Variants in WDR93 observed in about 807,000 individuals in gnomAD.
The protein encoded by WDR93 is WD repeat-containing protein 93.
WDR93 carries 73 observed loss-of-function variants against 82.9 expected under a neutral mutation model. The observed-to-expected ratio is 0.88, with a 90% CI of 0.73 to 1.07. The LOEUF (loss-of-function observed/expected upper bound fraction) is 1.07, where lower values mean the gene tolerates loss of function less well. Among genes scored for constraint, WDR93 ranks in the 50% least tolerant of loss-of-function variants. The probability of loss-of-function intolerance (pLI) is 0.00; values close to 1 mark genes in which losing one functional copy is unlikely to be tolerated. For synonymous variants in WDR93, 283 were observed against 300.1 expected (o/e 0.94, Z 0.59); for missense variants, 738 against 826.0 (o/e 0.89, Z 1.31).
Position 89,707,579 on chromosome 15 carries a change from C to G in WDR93, c.561+1961C>G, listed in dbSNP as rs182037512. 1.4e-3 allele frequency among the ~76,000 whole-genome samples: 219 copies of G among 151,676 alleles called. 2 individuals carry two copies. The highest frequency in any genetic ancestry group is 2.6e-3 in the Non-Finnish European group (176 of 67,914). On this transcript the variant is annotated intron_variant, in intron 4 of 16. Transcript: ENST00000268130. ...ACAGATACACACAGAGACACAGACA[C>G]ACACACACAAATAAAAAATAAAACA...
chr15:89,705,480 T>G, intron 3 of WDR93, 74 bp from the exon 4 acceptor site: 1 of 910,732 alleles, frequency 1.1e-6, no homozygotes, highest in Non-Finnish European at 1.8e-6. Flanking sequence ...GTTCACAAAG[T>G]CCAATATAAA....
intron 7 of WDR93, 105 bp downstream of exon 7, chr15:89,717,054 T>C (rs1414549512): frequency 8.6e-6 from 6 of 696,214 alleles, no homozygotes; most frequent in South Asian, 6.5e-5. Flanking sequence ...TCTTTTTTTT[T>C]TTTTTTTTTT....
Position 89,733,149 on chromosome 15 carries a change from A to C in WDR93, c.1474A>C (p.Thr492Pro). The change falls in exon 13 of 17, where the codon ACA becomes CCA. Residue 492 changes from threonine to proline, a missense_variant. Transcript: ENST00000268130. ...CCAAATGAAATGTGTGGTGCTGTGC[A>C]CAGACGCCTCCCTCCATCTGGTGGA... ...KSQMKCVVLC[T>P]DASLHLVEAS... 6.2e-7 allele frequency: 1 copy of C among 1,614,166 alleles called. No individual in the cohort carries two copies. The highest frequency in any genetic ancestry group is 8.5e-7 in the Non-Finnish European group (1 of 1,179,994).
intron 1 of WDR93, among the ~76,000 whole-genome samples, chr15:89,692,497 G>A (rs192860250): frequency 5.3e-5 from 8 of 152,314 alleles, no homozygotes; most frequent in Non-Finnish European, 1.0e-4. Context: ...AACTCTAGTC[G>A]TAGGGTAATA....
intron 4 of WDR93, among the ~76,000 whole-genome samples, chr15:89,710,497 G>A (rs1965927841): frequency 1.3e-5 from 2 of 152,152 alleles, no homozygotes; most frequent in Admixed American, 1.3e-4. Context: ...TACCTTGACA[G>A]GGTGTTAGTT....
intron 1 of WDR93, among the ~76,000 whole-genome samples, 166 bp from the exon 2 acceptor site, chr15:89,701,541 T>G (rs143198624): frequency 1.9e-4 from 29 of 152,326 alleles, no homozygotes; most frequent in African/African-American, 6.5e-4. Flanking sequence ...CTTACTAATA[T>G]GAAGAGCATA....
At chr15:89,727,510 G>A (rs558696838) in intron 9 of WDR93, among the ~76,000 whole-genome samples, 182 bp downstream of exon 9, 8 of 152,288 alleles carry the variant, frequency 5.3e-5, no homozygotes, top group Admixed American at 1.3e-4. Context: ...AGGATCATTT[G>A]AGCCCCCAAA....
chr15:89,722,048 G>A lies in WDR93; in HGVS notation c.796-7G>A, dbSNP rs1470157651. 1 of 1,576,210 alleles carries A rather than the reference G, an allele frequency of 6.3e-7. No individual in the cohort carries two copies. Among genetic ancestry groups the A allele is most frequent in the Non-Finnish European group, 8.7e-7 (1 of 1,155,006 alleles). On this transcript the variant is annotated splice_region_variant and splice_polypyrimidine_tract_variant and intron_variant, in intron 7 of 16. Transcript: ENST00000268130. The stretch of plus-strand genomic sequence containing the variant: ...GGCTTATTAACTATGCCTTTTCCTT[G>A]TTTTAGGATGCAAATGTTAGTTTTA...
intron 4 of WDR93, among the ~76,000 whole-genome samples, chr15:89,706,569 A>T (rs918858896): frequency 6.6e-6 from 1 of 152,216 alleles, no homozygotes; most frequent in Admixed American, 6.5e-5. Flanking sequence ...AAAAACAAAT[A>T]TGGAAAAATG....
chr15:89,724,360 G>T (rs1180266147), intron 8 of WDR93, among the ~76,000 whole-genome samples: 2 of 151,970 alleles, frequency 1.3e-5, no homozygotes, highest in Admixed American at 6.6e-5. Flanking sequence ...AAAAGAAAAA[G>T]AAAATAATAT....
upstream of WDR93, chr15:89,690,564 G>A: frequency 6.5e-7 from 1 of 1,548,478 alleles, no homozygotes; most frequent in Non-Finnish European, 8.7e-7. Flanking sequence ...GAGGCCGCTG[G>A]CACCTGACTC....
chr15:89,710,447 C>A (rs989843610), intron 4 of WDR93, among the ~76,000 whole-genome samples: 1 of 152,190 alleles, frequency 6.6e-6, no homozygotes, highest in African/African-American at 2.4e-5. Context: ...TTGGCTCAAA[C>A]AGGCATACGG....
Position 89,735,560 on chromosome 15 carries a change from TCCCCATGCCTCTCTGTAAATG to T in WDR93, c.1608+21_1608+41del, listed in dbSNP as rs1279728417. ...CCCAGCCTTACCTGGCATGGTAGGT[TCCCCATGCCTCTCTGTAAATG>T]CCCCATGCCTCTCATTTCTCTTCTG... On this transcript the variant is annotated splice_region_variant and intron_variant, in intron 14 of 16. Transcript: ENST00000268130. 3 of 1,613,194 alleles carry T rather than the reference TCCCCATGCCTCTCTGTAAATG, an allele frequency of 1.9e-6. No individual in the cohort carries two copies. Among genetic ancestry groups the T allele is most frequent in the Admixed American group, 1.7e-5 (1 of 60,020 alleles).
rs1170109589 is a variant in WDR93, at chr15:89,712,396, C to CTTTTTTTTT, written c.640+307_640+315dup. Among the ~76,000 whole-genome samples the CTTTTTTTTT allele has an allele frequency of 7.7e-4, 62 of 80,510 alleles. 5 individuals carry two copies. Among genetic ancestry groups the CTTTTTTTTT allele is most frequent in the African/African-American group, 1.9e-3 (35 of 18,226 alleles). The allele number at this position is 80,510 out of a possible 152,430, so 52.8% of individuals were successfully genotyped here. On this transcript the variant is annotated intron_variant, in intron 5 of 16. Coordinates refer to ENST00000268130, the MANE Select transcript of WDR93 (RefSeq NM_020212.2). ...GGATTTCACTAGTTTTTCCACTAAT[C>CTTTTTTTTT]TTTTTTTTTTTTTTTTTTTTTTTGC...
intron 13 of WDR93, among the ~76,000 whole-genome samples, chr15:89,734,571 A>C (rs1449754842): frequency 6.6e-6 from 1 of 152,194 alleles, no homozygotes; most frequent in Non-Finnish European, 1.5e-5. Context: ...GCCCACATTC[A>C]AGCAGTAGAA....
At position 89,743,550 on chromosome 15, in the gene WDR93, TCTGGGGGAC is replaced by T; in HGVS notation, c.*162_*170del. On this transcript the variant is annotated 3_prime_UTR_variant, in exon 17 of 17. Coordinates refer to ENST00000268130, the MANE Select transcript of WDR93 (RefSeq NM_020212.2). ...AGAGCCAGCAAGGGGAAAAGTATAA[TCTGGGGGAC>T]CTTCAACCACTAAGCCTCTTGTCAG... 1.5e-6 allele frequency: 1 copy of T among 651,528 alleles called. No individual in the cohort carries two copies. The allele number at this position is 651,528 out of a possible 1,614,324, so 40.4% of individuals were successfully genotyped here. A position where few individuals can be genotyped will look rare whatever the true frequency, so the allele number is the denominator to read the frequency against.
At chr15:89,734,091 T>C (rs1966970626) in intron 13 of WDR93, among the ~76,000 whole-genome samples, 1 of 152,160 alleles carries the variant, frequency 6.6e-6, no homozygotes, top group South Asian at 2.1e-4. Flanking sequence ...TGGAAATCGA[T>C]AATCTCCAGT....
At chr15:89,705,365 C>A in intron 3 of WDR93, 189 bp from the exon 4 acceptor site, 1 of 595,308 alleles carries the variant, frequency 1.7e-6, no homozygotes, top group Non-Finnish European at 3.0e-6. Context: ...AGGAAAACAA[C>A]CCGAACATTC....
chr15:89,696,913 T>C (rs1214695032), intron 1 of WDR93, among the ~76,000 whole-genome samples: 2 of 152,196 alleles, frequency 1.3e-5, no homozygotes, highest in African/African-American at 4.8e-5. Flanking sequence ...CAGCAATGTA[T>C]GGGAGTCCAG....
Sources: gnomAD v4.1 joint callset for allele counts (sites outside exome capture counted in the v4.1 genomes callset) on GRCh38, gnomAD v4.1.1 for gene constraint, MANE v1.5 for transcripts, NCBI Gene and HGNC (gene_info 2026-07-23, HGNC 2026-07-21) for gene names.